GNPDA2: variants seen among roughly 807,000 people sequenced by gnomAD.
GNPDA2 encodes glcN6P deaminase 2.
A neutral mutation model predicts 27.0 loss-of-function variants in GNPDA2; 24 were observed. That is an observed-to-expected ratio of 0.89 (90% CI 0.64 to 1.25). GNPDA2 has a LOEUF of 1.25. GNPDA2 is among the 50% of genes most tolerant of loss of function. The pLI, the probability that GNPDA2 is intolerant of heterozygous loss-of-function variation, is 0.00. For missense variants in GNPDA2, 286 were observed against 335.1 expected, an observed-to-expected ratio of 0.85 and a Z score of 1.14; for synonymous variants, 94 against 108.4, an observed-to-expected ratio of 0.87 and a Z score of 0.83.
intron 2 of GNPDA2, 129 bp downstream of exon 2, chr4:44,721,955 T>C: frequency 2.9e-6 from 2 of 694,182 alleles, no homozygotes; most frequent in Middle Eastern, 4.2e-4. Context: ...TGGCCTTTTA[T>C]ACTATGATGT....
In GNPDA2 at chr4:44,703,384, T is replaced by C. The variant is rs1291873959; in HGVS notation, c.770-242A>G. On this transcript the variant is annotated intron_variant, in intron 6 of 6. Transcript: ENST00000295448. ...AGATCTAGAATGTGTACAGGTACTT[T>C]GGGAGTAACCAGAAGAGCATTTCTT... The C allele has an allele frequency of 3.2e-6, 4 of 1,236,734 alleles. No homozygotes were observed. In the African/African-American group the frequency reaches 6.3e-5, roughly 19 times the overall value. The allele number at this position is 1,236,734 out of a possible 1,614,324, so 76.6% of individuals were successfully genotyped here. A position where few individuals can be genotyped will look rare whatever the true frequency, so the allele number is the denominator to read the frequency against.
Position 44,718,421 on chromosome 4 carries a change from T to C in GNPDA2, c.125-11A>G, listed in dbSNP as rs1302159647. 4.9e-6 allele frequency: 5 copies of C among 1,012,720 alleles called. No homozygotes were observed. Among genetic ancestry groups the C allele is most frequent in the Non-Finnish European group, 5.7e-6 (4 of 705,864 alleles). 62.7% of individuals were successfully genotyped at this position (1,012,720 alleles called of 1,614,324 possible). Reference sequence around the variant, plus strand: ...CTAAAGGTGTACTCCCTAAAAGACATAAAAATTCCATTTTCTAAAATGACT... The same window carrying C: ...CTAAAGGTGTACTCCCTAAAAGACACAAAAATTCCATTTTCTAAAATGACT... On this transcript the variant is annotated splice_polypyrimidine_tract_variant and intron_variant, in intron 2 of 6. Transcript: ENST00000295448.
intron 1 of GNPDA2, among the ~76,000 whole-genome samples, chr4:44,724,023 G>C (rs1163845923): frequency 6.6e-6 from 1 of 152,188 alleles, no homozygotes; most frequent in Non-Finnish European, 1.5e-5. Context: ...TTCCATCTGA[G>C]AGGTGGTGGA....
chr4:44,716,969 C>G, intron 4 of GNPDA2, 144 bp downstream of exon 4: 1 of 520,228 alleles, frequency 1.9e-6, no homozygotes, highest in Non-Finnish European at 3.4e-6. Flanking sequence ...AAAATGAAAA[C>G]AGGAATCAGT....
chr4:44,722,824 T>C (rs1717762295), intron 1 of GNPDA2, among the ~76,000 whole-genome samples: 1 of 152,140 alleles, frequency 6.6e-6, no homozygotes, highest in South Asian at 2.1e-4. Flanking sequence ...TTTTAATCCT[T>C]ACAACCATCT....
At chr4:44,710,668 A>G (rs1716918067) in intron 5 of GNPDA2, among the ~76,000 whole-genome samples, 1 of 152,158 alleles carries the variant, frequency 6.6e-6, no homozygotes, top group Non-Finnish European at 1.5e-5. Context: ...AAAACAAACG[A>G]TGTGATCAGT....
At position 44,705,007 on chromosome 4, in the gene GNPDA2, T is replaced by C. The variant is rs944539473; in HGVS notation, c.770-1865A>G. On this transcript the variant is annotated intron_variant, in intron 6 of 6. Coordinates refer to ENST00000295448, the MANE Select transcript of GNPDA2 (RefSeq NM_138335.3). ...TAACTTGTATCTTTCAAAAGGTATA[T>C]ACCGTTATATAGGTATATATTGAAA... 47 of 980,868 alleles carry C rather than the reference T, an allele frequency of 4.8e-5. No individual in the cohort carries two copies. The Admixed American group carries it at 9.2e-4, about 19-fold the overall frequency. The allele number at this position is 980,868 out of a possible 1,614,324, so 60.8% of individuals were successfully genotyped here. A position where few individuals can be genotyped will look rare whatever the true frequency, so the allele number is the denominator to read the frequency against.
chr4:44,704,348 T>C, intron 6 of GNPDA2: 2 of 957,186 alleles, frequency 2.1e-6, no homozygotes, highest in Non-Finnish European at 2.5e-6. Context: ...AGTATCACTT[T>C]GTAGAGGATC....
In GNPDA2 at chr4:44,702,004, T is replaced by G. The variant is rs1379196287; in HGVS notation, c.*1077A>C. ...AAAATAAGCAAAAGGAGCATTTTTT[T>G]GCTCCCCACAGAGGCAAAGACATCT... is the stretch of plus-strand genomic sequence containing the variant. On this transcript the variant is annotated 3_prime_UTR_variant, in exon 7 of 7. Transcript: ENST00000295448. 2 of 985,346 alleles carry G rather than the reference T, an allele frequency of 2.0e-6. No individual in the cohort carries two copies. Among genetic ancestry groups the G allele is most frequent in the East Asian group, 2.3e-4 (2 of 8,782 alleles). The allele number at this position is 985,346 out of a possible 1,614,324, so 61.0% of individuals were successfully genotyped here.
intron 3 of GNPDA2, 131 bp from the exon 4 acceptor site, chr4:44,717,426 T>C (rs377152472): frequency 3.1e-5 from 16 of 524,174 alleles, no homozygotes; most frequent in African/African-American, 2.7e-4. Flanking sequence ...AGCATTCTTA[T>C]GTGGAATATA....
In GNPDA2 at chr4:44,705,130, C is replaced by T. The variant is rs540013700; in HGVS notation, c.770-1988G>A. The T allele has an allele frequency of 7.1e-6, 7 of 984,752 alleles. No homozygotes were observed. In the African/African-American group the frequency reaches 1.0e-4, roughly 15 times the overall value. 61.0% of individuals were successfully genotyped at this position (984,752 alleles called of 1,614,324 possible). ...AAACCCTTTAAGATTCTGGTCAGCACTTTTTAGTGATGACAGAAGAAAGGG... is the reference window on the plus strand; with the variant it reads ...AAACCCTTTAAGATTCTGGTCAGCATTTTTTAGTGATGACAGAAGAAAGGG... On this transcript the variant is annotated intron_variant, in intron 6 of 6. Transcript: ENST00000295448.
intron 6 of GNPDA2, chr4:44,704,266 C>G: frequency 1.0e-6 from 1 of 984,408 alleles, no homozygotes; most frequent in Non-Finnish European, 1.2e-6. Flanking sequence ...AACTTCATGT[C>G]CAGTAGGAGA....
intron 2 of GNPDA2, among the ~76,000 whole-genome samples, chr4:44,721,602 A>C (rs529932727): frequency 5.9e-5 from 9 of 151,668 alleles, no homozygotes; most frequent in East Asian, 1.9e-4. Flanking sequence ...ATAATAGAAG[A>C]AGCAAATAGT....
chr4:44,705,425 C>T, intron 6 of GNPDA2: 1 of 984,986 alleles, frequency 1.0e-6, no homozygotes, highest in South Asian at 4.7e-5. Flanking sequence ...TTCAGAAATA[C>T]AGACAGCTCC....
intron 6 of GNPDA2, 115 bp downstream of exon 6, chr4:44,707,637 T>C (rs1030545016): frequency 1.0e-5 from 8 of 775,122 alleles, no homozygotes; most frequent in African/African-American, 1.8e-5. Context: ...GAACTAGCTA[T>C]GTGTTGCCAC....
At chr4:44,712,966 T>C (rs774846451) in intron 4 of GNPDA2, among the ~76,000 whole-genome samples, 1 of 152,208 alleles carries the variant, frequency 6.6e-6, no homozygotes, top group Non-Finnish European at 1.5e-5. Flanking sequence ...GTTCCTACAG[T>C]TCTAAGGGTA....
At chr4:44,710,915 C>G in intron 5 of GNPDA2, 38 bp downstream of exon 5, 1 of 1,423,862 alleles carries the variant, frequency 7.0e-7, no homozygotes, top group Non-Finnish European at 9.5e-7. Flanking sequence ...AATATATTAA[C>G]ATGAAAAGAA....
chr4:44,720,187 G>A lies in GNPDA2; in HGVS notation c.125-1777C>T, dbSNP rs1371575915. On this transcript the variant is annotated intron_variant, in intron 2 of 6. Coordinates refer to ENST00000295448, the MANE Select transcript of GNPDA2 (RefSeq NM_138335.3). ...TGTCTACCATGTGGCTAGATGCTGC[G>A]CTAATGTTTTTATATATTACCTCAC... Among the ~76,000 whole-genome samples, 8 of 152,214 alleles carry A rather than the reference G, an allele frequency of 5.3e-5. No homozygotes were observed. In the South Asian group the frequency reaches 8.3e-4, roughly 16 times the overall value.
chr4:44,707,157 G>A (rs1716655379), intron 6 of GNPDA2: 1 of 152,090 alleles, frequency 6.6e-6, no homozygotes, highest in East Asian at 1.9e-4. Flanking sequence ...GGTAGAGTAA[G>A]GTTTCTGAAT....
Sources: allele counts gnomAD v4.1 joint callset (sites outside exome capture counted in the v4.1 genomes callset), GRCh38; gene constraint gnomAD v4.1.1; transcripts MANE v1.5; gene names NCBI Gene and HGNC (gene_info 2026-07-23, HGNC 2026-07-21).